Variants in CES1 observed in about 807,000 individuals in gnomAD.
The protein encoded by CES1 is liver carboxylesterase 1.
In CES1, 50 loss-of-function variants were observed where a neutral mutation model predicts 53.0. The observed-to-expected ratio is 0.94, with a 90% CI of 0.75 to 1.19. The LOEUF (loss-of-function observed/expected upper bound fraction) is 1.19. CES1 is among the 50% of genes most tolerant of loss of function. The pLI is 0.00. For missense variants in CES1, 534 were observed against 538.0 expected, an observed-to-expected ratio of 0.99 and a Z score of 0.07; for synonymous variants, 202 against 210.1, an observed-to-expected ratio of 0.96 and a Z score of 0.33.
At chr16:55,809,093 CAAAAAA>C (rs376932562) in intron 11 of CES1, among the ~76,000 whole-genome samples, 22 of 72,058 alleles carry the variant, frequency 3.1e-4, no homozygotes, top group African/African-American at 8.9e-4. Flanking sequence ...GTAGTCCTGG[CAAAAAA>C]AAAAAAAAAA....
At chr16:55,808,906 A>C (rs775562776) in intron 11 of CES1, among the ~76,000 whole-genome samples, 1 of 152,150 alleles carries the variant, frequency 6.6e-6, no homozygotes, top group Non-Finnish European at 1.5e-5. Flanking sequence ...AGACGAAAAC[A>C]CAAAAAATTT....
intron 2 of CES1, chr16:55,828,264 G>C (rs1276377766): frequency 4.0e-6 from 1 of 252,040 alleles, no homozygotes; most frequent in African/African-American, 2.3e-5. Flanking sequence ...GCACACCTGA[G>C]AGTTGAGCAC....
In CES1 at chr16:55,817,971, G is replaced by A. The variant is rs114613420; in HGVS notation, c.907-1009C>T. Among the ~76,000 whole-genome samples, 185 of 152,294 alleles carry A rather than the reference G, an allele frequency of 1.2e-3. 1 individual carries two copies. Among genetic ancestry groups the A allele is most frequent in the African/African-American group, 4.1e-3 (172 of 41,544 alleles). On this transcript the variant is annotated intron_variant, in intron 7 of 13. Transcript: ENST00000360526. ...CTGGAATATTTGCCTCCTTCCGGGC[G>A]TTAGAAAACAGTTGTGTTTTCATTC... is the stretch of plus-strand genomic sequence containing the variant.
intron 8 of CES1, among the ~76,000 whole-genome samples, chr16:55,814,883 G>A (rs1323905799): frequency 6.6e-6 from 1 of 152,226 alleles, no homozygotes; most frequent in Admixed American, 6.5e-5. Context: ...GGCTGACAAT[G>A]AAGAACAGGA....
chr16:55,817,746 C>A (rs576440487), intron 7 of CES1, among the ~76,000 whole-genome samples: 1 of 140,582 alleles, frequency 7.1e-6, no homozygotes, highest in Admixed American at 6.8e-5. Flanking sequence ...ATGTGTTTCT[C>A]TGTGTGTGTG....
At chr16:55,809,107 A>AAAAAAAAAAAAAAG (rs2031567730) in intron 11 of CES1, among the ~76,000 whole-genome samples, 1 of 149,826 alleles carries the variant, frequency 6.7e-6, no homozygotes. Context: ...AAAAAAAAAA[A>AAAAAAAAAAAAAAG]AAAAGCCCTG....
Position 55,826,137 on chromosome 16 carries a change from G to T in CES1, c.405+14C>A, listed in dbSNP as rs371166360. 1 of 1,613,128 alleles carries T rather than the reference G, an allele frequency of 6.2e-7. No individual in the cohort carries two copies. On this transcript the variant is annotated intron_variant, in intron 3 of 13. Coordinates refer to ENST00000360526, the MANE Select transcript of CES1 (RefSeq NM_001025195.2). ...GGCACTGACACGCCTTGACCAGGGG[G>T]TCCCACAACTTACCGGCAGCCTGTT...
chr16:55,816,127 T>C (rs2031933195), intron 8 of CES1, among the ~76,000 whole-genome samples: 1 of 152,282 alleles, frequency 6.6e-6, no homozygotes, highest in Non-Finnish European at 1.5e-5. Context: ...GCTACTTAAA[T>C]TGAAGCCACC....
chr16:55,826,238 CT>C lies in CES1; in HGVS notation c.317del (p.Lys106ArgfsTer23). Reference sequence around the variant, plus strand: ...CAGAAAGCTTGAGAGGAATGTTCTCCTTTCGGTTTGTAAATAGCTCTGAGAG... The same window carrying C: ...CAGAAAGCTTGAGAGGAATGTTCTCCTTCGGTTTGTAAATAGCTCTGAGAG... ...QLLSELFTNR[K>X]ENIPLKLSED... On this transcript the variant is annotated frameshift_variant, in exon 3 of 14. Coordinates refer to ENST00000360526, the MANE Select transcript of CES1 (RefSeq NM_001025195.2). LOFTEE classifies it high-confidence loss of function. 1 of 1,613,916 alleles carries C rather than the reference CT, an allele frequency of 6.2e-7. No individual in the cohort carries two copies. Among genetic ancestry groups the C allele is most frequent in the Non-Finnish European group, 8.5e-7 (1 of 1,179,826 alleles).
chr16:55,829,606 C>G (rs2032561047), intron 1 of CES1, among the ~76,000 whole-genome samples: 1 of 152,214 alleles, frequency 6.6e-6, no homozygotes, highest in African/African-American at 2.4e-5. Flanking sequence ...GAATGCAGAG[C>G]CTGCCTGGGG....
intron 9 of CES1, among the ~76,000 whole-genome samples, chr16:55,811,342 G>A (rs1444596687): frequency 1.3e-5 from 2 of 152,062 alleles, no homozygotes; most frequent in Non-Finnish European, 2.9e-5. Context: ...GGAGATGCAA[G>A]GTGTCTGCCA....
Position 55,832,909 on chromosome 16 carries a change from T to A in CES1, c.52+95A>T, listed in dbSNP as rs1447168036. The stretch of plus-strand genomic sequence containing the variant: ...TCGTGCCCCGCCGCAGAGCCGGACC[T>A]GTTGTGTCTTTGCCTTTCTACGCAT... On this transcript the variant is annotated intron_variant, in intron 1 of 13. Transcript: ENST00000360526. 5 of 1,122,062 alleles carry A rather than the reference T, an allele frequency of 4.5e-6. No individual in the cohort carries two copies. The Admixed American group carries it at 8.4e-5, about 19-fold the overall frequency. The allele number at this position is 1,122,062 out of a possible 1,614,324, so 69.5% of individuals were successfully genotyped here. A position where few individuals can be genotyped will look rare whatever the true frequency, so the allele number is the denominator to read the frequency against.
intron 4 of CES1, among the ~76,000 whole-genome samples, chr16:55,821,780 G>T (rs780898670): frequency 6.6e-6 from 1 of 152,162 alleles, no homozygotes; most frequent in Non-Finnish European, 1.5e-5. Flanking sequence ...AGCAAAACAG[G>T]CAAAACCTGT....
At chr16:55,811,870 G>A (rs1260433945) in intron 9 of CES1, among the ~76,000 whole-genome samples, 6 of 152,186 alleles carry the variant, frequency 3.9e-5, no homozygotes, top group Admixed American at 6.5e-5. Context: ...AGTCCCTGTC[G>A]AAAGAGTAGA....
chr16:55,821,283 T>A (rs1451937661), intron 5 of CES1, 85 bp downstream of exon 5: 6 of 1,529,486 alleles, frequency 3.9e-6, no homozygotes, highest in African/African-American at 1.4e-5. Context: ...ATCAGAGGTA[T>A]CCATAGCTGG....
intron 1 of CES1, among the ~76,000 whole-genome samples, chr16:55,830,435 C>A (rs1185569969): frequency 2.0e-5 from 3 of 152,050 alleles, no homozygotes; most frequent in Admixed American, 1.3e-4. Flanking sequence ...TCCTCCCCCC[C>A]ATCTTAATTA....
intron 8 of CES1, 51 bp downstream of exon 8, chr16:55,816,873 T>C (rs1314029611): frequency 1.2e-5 from 19 of 1,572,738 alleles, no homozygotes; most frequent in Non-Finnish European, 1.5e-5. Context: ...TAATTGGAGC[T>C]TAAAGGTGCT....
At position 55,810,921 on chromosome 16, in the gene CES1, T is replaced by A. The variant is rs781036067; in HGVS notation, c.1170+6A>T. On this transcript the variant is annotated splice_donor_region_variant and intron_variant, in intron 10 of 13. Coordinates refer to ENST00000360526, the MANE Select transcript of CES1 (RefSeq NM_001025195.2). ...CAGCCAATTCCCATGATTCCTAGACTCTTACAACAAGGGGATAGGACTTCC... is the reference window on the plus strand; with the variant it reads ...CAGCCAATTCCCATGATTCCTAGACACTTACAACAAGGGGATAGGACTTCC... 1 of 1,611,916 alleles carries A rather than the reference T, an allele frequency of 6.2e-7. No homozygotes were observed. The highest frequency in any genetic ancestry group is 8.5e-7 in the Non-Finnish European group (1 of 1,178,342).
chr16:55,808,247 T>C (rs2031524938), intron 11 of CES1, among the ~76,000 whole-genome samples: 2 of 146,342 alleles, frequency 1.4e-5, no homozygotes, highest in African/African-American at 2.6e-5. Flanking sequence ...ATAGGCAGCA[T>C]GCTGCCCAAA....
Sources: allele counts gnomAD v4.1 joint callset (sites outside exome capture counted in the v4.1 genomes callset), GRCh38; gene constraint gnomAD v4.1.1; transcripts MANE v1.5; gene names NCBI Gene and HGNC (gene_info 2026-07-23, HGNC 2026-07-21).